C6: variants seen among roughly 807,000 people sequenced by gnomAD.
The protein encoded by C6 is complement component C6.
A neutral mutation model predicts 112.9 loss-of-function variants in C6; 101 were observed. That is an observed-to-expected ratio of 0.89 (90% confidence interval 0.76 to 1.06). The LOEUF (loss-of-function observed/expected upper bound fraction) is 1.06. C6 is among the 50% of genes least tolerant of loss of function. The pLI is 0.00. For synonymous variants in C6, 431 were observed against 384.1 expected (o/e 1.12, Z -1.43); for missense variants, 1,202 against 1,104.6 (o/e 1.09, Z -1.25).
At chr5:41,178,751 T>C (rs1403213167) in intron 7 of C6, among the ~76,000 whole-genome samples, 2 of 152,108 alleles carry the variant, frequency 1.3e-5, no homozygotes, top group African/African-American at 2.4e-5. Flanking sequence ...TCTGGGATTA[T>C]AGGCATGAGC....
chr5:41,242,149 C>T (rs992820972), intron 1 of C6, among the ~76,000 whole-genome samples: 1 of 152,054 alleles, frequency 6.6e-6, no homozygotes, highest in African/African-American at 2.4e-5. Context: ...TTGGCTGTGT[C>T]CTCCCACCCA....
At position 41,158,742 on chromosome 5, in the gene C6, C is replaced by T. The variant is rs544678725; in HGVS notation, c.1900G>A (p.Asp634Asn). The change falls in exon 13 of 18, where the codon GAT (aspartate) becomes AAT (asparagine). Residue 634 changes from aspartate to asparagine, a missense_variant. Asp to Asn is a conservative substitution (Grantham distance 23). Coordinates refer to ENST00000337836, the MANE Select transcript of C6 (RefSeq NM_000065.5). ...INDDEEMKEV[D>N]LPEIEADSGC... Reference sequence around the variant, plus strand: ...GAATCTGCTTCTATCTCAGGAAGATCGACCTCTTTCATTTCTTCGTCATCA... The same window carrying T: ...GAATCTGCTTCTATCTCAGGAAGATTGACCTCTTTCATTTCTTCGTCATCA... The T allele has an allele frequency of 7.5e-5, 121 of 1,609,874 alleles. No homozygotes were observed. Among genetic ancestry groups the T allele is most frequent in the East Asian group, 3.3e-4 (15 of 44,820 alleles).
chr5:41,158,136 G>T (rs947907221), intron 13 of C6, among the ~76,000 whole-genome samples: 2 of 152,080 alleles, frequency 1.3e-5, no homozygotes, highest in Admixed American at 1.3e-4. Flanking sequence ...AAAGGGCATA[G>T]ATCTGTCTGA....
intron 1 of C6, among the ~76,000 whole-genome samples, chr5:41,220,127 G>A (rs1739077517): frequency 6.6e-6 from 1 of 152,190 alleles, no homozygotes; most frequent in African/African-American, 2.4e-5. Context: ...CTGGGGTAGT[G>A]TGTAATACAA....
rs117688901 is a variant in C6, at chr5:41,175,171, T to C, written c.1168+1304A>G. ...CAGCTTTGGAGGGACACACATAAAG[T>C]GGTGAGGGAGGAAGGGGACACCCAT... On this transcript the variant is annotated intron_variant, in intron 8 of 17. Transcript: ENST00000337836. Among the ~76,000 whole-genome samples the C allele has an allele frequency of 1.4e-3, 209 of 152,164 alleles. 6 individuals carry two copies. In the East Asian group the frequency reaches 0.038, roughly 28 times the overall value.
intron 9 of C6, among the ~76,000 whole-genome samples, chr5:41,163,844 T>C (rs1747753180): frequency 6.6e-6 from 1 of 152,208 alleles, no homozygotes; most frequent in Non-Finnish European, 1.5e-5. Flanking sequence ...TGAAGTCCAA[T>C]GATTTAACTG....
chr5:41,225,371 T>C (rs1739423637), intron 1 of C6, among the ~76,000 whole-genome samples: 1 of 152,168 alleles, frequency 6.6e-6, no homozygotes, highest in African/African-American at 2.4e-5. Context: ...TCCAGCTTTA[T>C]CCATATCCCT....
intron 1 of C6, among the ~76,000 whole-genome samples, chr5:41,234,433 C>T (rs1205981158): frequency 1.4e-5 from 2 of 147,864 alleles, no homozygotes; most frequent in Admixed American, 6.8e-5. Context: ...GATAATTTGG[C>T]AATAAATATA....
chr5:41,248,201 A>G lies in C6; in HGVS notation c.-21+12993T>C, dbSNP rs116516778. ...TTAGCTTAAAATTTTAAATGTAACA[A>G]CTCAAAACTATGAGAATCCTAGAAG... On this transcript the variant is annotated intron_variant, in intron 1 of 17. Coordinates refer to the C6 transcript ENST00000263413. Among the ~76,000 whole-genome samples the G allele has an allele frequency of 3.6e-3, 547 of 152,320 alleles. 3 individuals are homozygous for G. The highest frequency in any genetic ancestry group is 0.013 in the African/African-American group (530 of 41,562).
chr5:41,221,891 G>A lies in C6; in HGVS notation c.-20-18641C>T, dbSNP rs1056655816. Among the ~76,000 whole-genome samples, 8 of 152,194 alleles carry A rather than the reference G, an allele frequency of 5.3e-5. 1 individual carries two copies. The highest frequency in any genetic ancestry group is 2.1e-4 in the South Asian group (1 of 4,822). On this transcript the variant is annotated intron_variant, in intron 1 of 17. Coordinates refer to the C6 transcript ENST00000263413. ...TTAAAAGTTAAGTTCACTGGCCAGC[G>A]TGGTGGCTCACACCTGTAATCCCAG... is the stretch of plus-strand genomic sequence containing the variant.
At chr5:41,158,423 A>G (rs182339910) in intron 13 of C6, among the ~76,000 whole-genome samples, 1 of 152,322 alleles carries the variant, frequency 6.6e-6, no homozygotes, top group African/African-American at 2.4e-5. Context: ...ATCCTATATT[A>G]TACTGAAGTT....
At chr5:41,159,896 A>T (rs1302513152) in intron 11 of C6, among the ~76,000 whole-genome samples, 1 of 152,142 alleles carries the variant, frequency 6.6e-6, no homozygotes, top group Non-Finnish European at 1.5e-5. Context: ...CCTTAGATAG[A>T]TACTGGTGTT....
chr5:41,210,166 G>T (rs558791956), intron 1 of C6, among the ~76,000 whole-genome samples: 1 of 152,210 alleles, frequency 6.6e-6, no homozygotes, highest in African/African-American at 2.4e-5. Flanking sequence ...CTAGCCATAT[G>T]TAGAAAGCTG....
intron 8 of C6, chr5:41,172,710 T>C: frequency 5.4e-6 from 2 of 371,242 alleles, no homozygotes; most frequent in South Asian, 4.6e-5. Flanking sequence ...CCCTTTCTAT[T>C]GGCCGCTGCA....
chr5:41,227,952 G>T (rs1739626761), intron 1 of C6, among the ~76,000 whole-genome samples: 1 of 151,988 alleles, frequency 6.6e-6, no homozygotes, highest in East Asian at 1.9e-4. Flanking sequence ...GCTATTTGAG[G>T]CATTTTTGGT....
At chr5:41,194,562 A>G (rs1202089173) in intron 5 of C6, among the ~76,000 whole-genome samples, 1 of 152,180 alleles carries the variant, frequency 6.6e-6, no homozygotes. Context: ...TCGAGTTTTC[A>G]TATTATGCAA....
intron 13 of C6, among the ~76,000 whole-genome samples, chr5:41,157,641 C>T (rs1402111932): frequency 6.6e-6 from 1 of 152,006 alleles, no homozygotes; most frequent in Non-Finnish European, 1.5e-5. Context: ...GAATTTGTTC[C>T]CAAAGTGTGG....
intron 7 of C6, among the ~76,000 whole-genome samples, chr5:41,177,506 AT>A (rs1157760154): frequency 6.6e-6 from 1 of 152,160 alleles, no homozygotes; most frequent in African/African-American, 2.4e-5. Context: ...TTTAAAAAAA[AT>A]TTATATACTT....
intron 7 of C6, 27 bp from the exon 8 acceptor site, chr5:41,176,742 T>A (rs1748887796): frequency 3.1e-6 from 5 of 1,597,468 alleles, no homozygotes; most frequent in Non-Finnish European, 4.3e-6. Context: ...AGTAAAAAGA[T>A]GATTAAAGGT....
Sources: allele counts gnomAD v4.1 joint callset (sites outside exome capture counted in the v4.1 genomes callset), GRCh38; gene constraint gnomAD v4.1.1; transcripts MANE v1.5; gene names NCBI Gene and HGNC (gene_info 2026-07-23, HGNC 2026-07-21).